RNF144A: variants seen among roughly 807,000 people sequenced by gnomAD.
The protein encoded by RNF144A is ring finger protein 144A, also known as E3 ubiquitin-protein ligase RNF144A.
RNF144A carries 11 observed loss-of-function variants against 38.7 expected under a neutral mutation model. The observed-to-expected ratio is 0.28, with a 90% confidence interval of 0.18 to 0.47. The LOEUF (loss-of-function observed/expected upper bound fraction) is 0.47, where lower values mean the gene tolerates loss of function less well. Ranked by LOEUF, RNF144A falls within the 20% of genes least tolerant of loss-of-function variation. The pLI, the probability that RNF144A is intolerant of heterozygous loss-of-function variation, is 0.99. For missense variants in RNF144A, 316 were observed against 377.2 expected (o/e 0.84, Z 1.34); for synonymous variants, 149 against 143.9 (o/e 1.04, Z -0.25).
intron 6 of RNF144A, chr2:7,062,992 A>C (rs1674038102): frequency 1.3e-5 from 2 of 152,236 alleles, no homozygotes; most frequent in South Asian, 4.1e-4. Flanking sequence ...ACTGAGGAAA[A>C]AAAATGTTTG....
chr2:7,016,002 A>G lies in RNF144A; in HGVS notation c.301+1230A>G, dbSNP rs1018874169. On this transcript the variant is annotated intron_variant, in intron 5 of 8. Transcript: ENST00000320892. ...TGTTGTTTGTATATTTTTGCTTTCT[A>G]AAAGAAATGCTAGAGATAGCTGGGC... Among the ~76,000 whole-genome samples, 18 of 151,966 alleles carry G rather than the reference A, an allele frequency of 1.2e-4. No individual in the cohort carries two copies. In the East Asian group the frequency reaches 3.1e-3, roughly 26 times the overall value.
At chr2:6,942,762 TC>T (rs1480289605) in intron 2 of RNF144A, among the ~76,000 whole-genome samples, 1 of 152,128 alleles carries the variant, frequency 6.6e-6, no homozygotes, top group Admixed American at 6.5e-5. Context: ...GATGGGTGGA[TC>T]ACCTGAGGTC....
chr2:7,020,647 C>G lies in RNF144A; in HGVS notation c.476C>G (p.Thr159Ser). Reference sequence around the variant, plus strand: ...CACCCTGGCCAGGGCTGCCCGGAGACCATGCCGATCACCTTCCTCCCCGGG... The same window carrying G: ...CACCCTGGCCAGGGCTGCCCGGAGAGCATGCCGATCACCTTCCTCCCCGGG... ...SWHPGQGCPE[T>S]MPITFLPGET... Residue 159 changes from threonine (T) to serine (S), a missense_variant, in exon 6 of 9, where the codon ACC becomes AGC. Thr to Ser is a moderately conservative substitution (Grantham distance 58). Transcript: ENST00000320892. 6.2e-7 allele frequency: 1 copy of G among 1,606,320 alleles called. No individual in the cohort carries two copies. The highest frequency in any genetic ancestry group is 8.5e-7 in the Non-Finnish European group (1 of 1,179,980).
At chr2:7,008,357 C>T (rs1670583757) in intron 3 of RNF144A, among the ~76,000 whole-genome samples, 2 of 152,250 alleles carry the variant, frequency 1.3e-5, no homozygotes, top group Non-Finnish European at 2.9e-5. Context: ...TGTGCCCAGT[C>T]CCTTACCCTC....
downstream of RNF144A, among the ~76,000 whole-genome samples, chr2:7,047,607 A>G (rs7575969): frequency 0.078 from 11,912 of 152,242 alleles, 1,003 homozygotes; most frequent in East Asian, 0.43. Flanking sequence ...ATTCTGAGAT[A>G]TACAATTCAA....
intron 2 of RNF144A, among the ~76,000 whole-genome samples, chr2:6,951,606 A>G (rs959816960): frequency 1.3e-5 from 2 of 152,238 alleles, no homozygotes; most frequent in African/African-American, 2.4e-5. Flanking sequence ...ACATCGTATC[A>G]CTATCCATGT....
intron 8 of RNF144A, 93 bp from the exon 9 acceptor site, chr2:7,039,536 A>G: frequency 1.3e-6 from 2 of 1,544,990 alleles, no homozygotes; most frequent in Non-Finnish European, 8.7e-7. Context: ...GGATGGATGG[A>G]TGGATGGGTA....
intron 2 of RNF144A, among the ~76,000 whole-genome samples, chr2:6,992,428 C>T (rs982121678): frequency 5.3e-5 from 8 of 152,056 alleles, no homozygotes; most frequent in African/African-American, 1.7e-4. Context: ...AGCGGGGAGA[C>T]GTGAGAAATC....
intron 6 of RNF144A, chr2:7,068,115 T>G (rs1448304027): frequency 3.5e-6 from 2 of 573,770 alleles, no homozygotes; most frequent in Non-Finnish European, 6.0e-6. Flanking sequence ...GCAAAATCCC[T>G]TTGCAGTGGT....
intron 6 of RNF144A, among the ~76,000 whole-genome samples, chr2:7,066,579 G>GTT (rs1181620460): frequency 6.6e-5 from 10 of 152,164 alleles, no homozygotes; most frequent in Non-Finnish European, 1.2e-4. Flanking sequence ...TGTTTTCCTT[G>GTT]TAACAGTACA....
intron 6 of RNF144A, among the ~76,000 whole-genome samples, chr2:7,061,581 G>A (rs1274959396): frequency 1.3e-5 from 2 of 152,144 alleles, no homozygotes; most frequent in Non-Finnish European, 2.9e-5. Flanking sequence ...TACGGGCCAT[G>A]TTTCCATCAC....
chr2:7,047,457 G>A (rs144338774), downstream of RNF144A, among the ~76,000 whole-genome samples: 14 of 152,318 alleles, frequency 9.2e-5, no homozygotes, highest in African/African-American at 3.4e-4. Context: ...AGAGAAAAAT[G>A]AGGAAGAAGC....
In RNF144A at chr2:6,962,299, A is replaced by G. The variant is rs963531093; in HGVS notation, c.-12+21152A>G. 6.6e-6 allele frequency among the ~76,000 whole-genome samples: 1 copy of G among 152,116 alleles called. No individual in the cohort carries two copies. The highest frequency in any genetic ancestry group is 1.9e-4 in the East Asian group (1 of 5,200). On this transcript the variant is annotated intron_variant, in intron 2 of 8. Coordinates refer to ENST00000320892, the MANE Select transcript of RNF144A (RefSeq NM_014746.6). This position sits in a 1 kb window ranked among gnomAD's most constrained non-coding sequence, Gnocchi z 4.1. ...GTTGCCCTTTTATTTATTACTGTAC[A>G]CGTGGTAACAGAAAAGGGAAGATGG...
chr2:7,017,321 G>GTTTT (rs60629488), intron 5 of RNF144A, among the ~76,000 whole-genome samples: 2 of 145,742 alleles, frequency 1.4e-5, no homozygotes, highest in Non-Finnish European at 3.0e-5. Context: ...TTTGTTCTTT[G>GTTTT]TTTTTTTTTT....
chr2:6,990,385 TACACAC>T (rs60196595), intron 2 of RNF144A, among the ~76,000 whole-genome samples: 10,810 of 123,444 alleles, frequency 0.088, 517 homozygotes, highest in Non-Finnish European at 0.1. Flanking sequence ...TATATATATT[TACACAC>T]ACACACACAC....
chr2:6,988,169 T>A (rs930425339), intron 2 of RNF144A, among the ~76,000 whole-genome samples: 1 of 152,242 alleles, frequency 6.6e-6, no homozygotes, highest in African/African-American at 2.4e-5. Context: ...TGGACCGATA[T>A]GGATTTAGAT....
intron 8 of RNF144A, among the ~76,000 whole-genome samples, chr2:7,036,101 C>T (rs1672661166): frequency 6.6e-6 from 1 of 152,200 alleles, no homozygotes; most frequent in African/African-American, 2.4e-5. Context: ...TGTCCATCTG[C>T]CCTCCTGTGC....
intron 2 of RNF144A, among the ~76,000 whole-genome samples, chr2:6,955,263 G>T (rs1666929115): frequency 6.6e-6 from 1 of 152,186 alleles, no homozygotes; most frequent in Non-Finnish European, 1.5e-5. Flanking sequence ...AAGTCTTATG[G>T]AAGCCTAATG....
At chr2:6,953,784 A>G (rs557848929) in intron 2 of RNF144A, among the ~76,000 whole-genome samples, 2 of 152,064 alleles carry the variant, frequency 1.3e-5, no homozygotes, top group African/African-American at 4.8e-5. Flanking sequence ...TACCTTTCAT[A>G]TTTTCTACAT....
Sources: gnomAD v4.1 joint callset for allele counts (sites outside exome capture counted in the v4.1 genomes callset) on GRCh38, gnomAD v4.1.1 for gene constraint, Gnocchi (gnomAD v3.1) non-coding constraint, MANE v1.5 for transcripts, NCBI Gene and HGNC (gene_info 2026-07-23, HGNC 2026-07-21) for gene names.